Variants in MIB1 observed in about 807,000 individuals in gnomAD.
MIB1 encodes E3 ubiquitin-protein ligase MIB1.
In MIB1, 278 loss-of-function variants were observed where a neutral mutation model predicts 124.5. That is an observed-to-expected ratio of 2.23 (90% confidence interval 2.02 to 2.47). MIB1 has a LOEUF of 2.47. Among genes scored for constraint, MIB1 ranks in the 30% most tolerant of loss-of-function variants. MIB1 has a pLI of 0.00. For synonymous variants in MIB1, 446 were observed against 429.4 expected, an observed-to-expected ratio of 1.04 and a Z score of -0.48; for missense variants, 957 against 1,254.4, an observed-to-expected ratio of 0.76 and a Z score of 3.58.
chr18:21,765,931 C>T lies in MIB1; in HGVS notation c.389C>T (p.Pro130Leu), dbSNP rs750577728. Residue 130 changes from proline to leucine, a missense_variant, in exon 2 of 21, where the codon CCG (proline) becomes CTG (leucine). Pro to Leu is a moderately conservative substitution (Grantham distance 98). Transcript: ENST00000261537. The part of the protein sequence containing the change: ...LRHRFYRITT[P>L]GSERVLLESR... ...CATCGCTTTTACCGAATTACTACAC[C>T]GGGAAGTGAGAGGTAGGGAGAACCC... is the stretch of plus-strand genomic sequence containing the variant. The T allele has an allele frequency of 1.4e-5, 23 of 1,613,918 alleles. No individual in the cohort carries two copies. In the Middle Eastern group the frequency reaches 2.6e-3, roughly 185 times the overall value.
In MIB1 at chr18:21,858,517, C is replaced by T. The variant is rs770616059; in HGVS notation, c.2780-29C>T. On this transcript the variant is annotated intron_variant, in intron 19 of 20. Transcript: ENST00000261537. Reference sequence around the variant, plus strand: ...TGTCATTCTGTCAAAGCAATAATAACTGAAAATCTTTTTAAATCTATATTA... The same window carrying T: ...TGTCATTCTGTCAAAGCAATAATAATTGAAAATCTTTTTAAATCTATATTA... 5.0e-6 allele frequency: 5 copies of T among 995,192 alleles called. No individual in the cohort carries two copies. In the African/African-American group the frequency reaches 8.0e-5, roughly 16 times the overall value. The allele number at this position is 995,192 out of a possible 1,614,324, so 61.6% of individuals were successfully genotyped here.
intron 1 of MIB1, among the ~76,000 whole-genome samples, chr18:21,711,259 C>G (rs945559102): frequency 3.3e-5 from 5 of 151,852 alleles, no homozygotes; most frequent in Non-Finnish European, 5.9e-5. Context: ...TTTTCCAGAC[C>G]CCACATTTTA....
chr18:21,792,221 C>T (rs2041513022), intron 7 of MIB1, among the ~76,000 whole-genome samples: 1 of 152,022 alleles, frequency 6.6e-6, no homozygotes, highest in African/African-American at 2.4e-5. Flanking sequence ...TGTAGTTCTC[C>T]ACCTTGCGTA....
chr18:21,839,665 T>C (rs2042064191), intron 13 of MIB1, among the ~76,000 whole-genome samples: 2 of 151,964 alleles, frequency 1.3e-5, no homozygotes, highest in Admixed American at 6.6e-5. Flanking sequence ...TGCCTGGCTT[T>C]TATTTATTTA....
At chr18:21,852,173 G>T (rs1297637031) in intron 17 of MIB1, among the ~76,000 whole-genome samples, 1 of 152,204 alleles carries the variant, frequency 6.6e-6, no homozygotes, top group African/African-American at 2.4e-5. Context: ...GGTGTTGGAG[G>T]TAGATTTTGA....
intron 1 of MIB1, among the ~76,000 whole-genome samples, chr18:21,757,832 A>G (rs908066336): frequency 5.9e-5 from 9 of 152,156 alleles, no homozygotes; most frequent in African/African-American, 1.7e-4. Context: ...TTGAATATTG[A>G]AATAGGATTT....
chr18:21,830,398 C>T (rs1279452519), intron 12 of MIB1, among the ~76,000 whole-genome samples: 1 of 152,054 alleles, frequency 6.6e-6, no homozygotes, highest in Non-Finnish European at 1.5e-5. Context: ...ATGTAAATGA[C>T]AATAATGTAT....
rs1229313289 is a variant in MIB1 at position 21,869,309 on chromosome 18, T to G, written c.*4643T>G. 5 of 152,416 alleles carry G rather than the reference T, an allele frequency of 3.3e-5. No individual in the cohort carries two copies. The highest frequency in any genetic ancestry group is 7.4e-5 in the Non-Finnish European group (5 of 67,876). The allele number at this position is 152,416 out of a possible 1,614,324, so 9.4% of individuals were successfully genotyped here. A position where few individuals can be genotyped will look rare whatever the true frequency, so the allele number is the denominator to read the frequency against. On this transcript the variant is annotated 3_prime_UTR_variant, in exon 21 of 21. Transcript: ENST00000261537. ...TTTTAAAGTAAAATAAACGTGCCAT[T>G]TTGTCTGCAATCTATAATTTCAGGA... is the stretch of plus-strand genomic sequence containing the variant.
chr18:21,744,556 T>G (rs2146378119), intron 1 of MIB1, among the ~76,000 whole-genome samples: 1 of 152,360 alleles, frequency 6.6e-6, no homozygotes, highest in Middle Eastern at 3.4e-3. Context: ...CTTTTTCTCA[T>G]CCAAGATCAC....
At chr18:21,777,930 A>G (rs1479713318) in intron 4 of MIB1, among the ~76,000 whole-genome samples, 173 bp from the exon 5 acceptor site, 1 of 152,328 alleles carries the variant, frequency 6.6e-6, no homozygotes, top group Non-Finnish European at 1.5e-5. Context: ...TCTGAAGATC[A>G]GGTTTCTAGT....
At chr18:21,749,701 C>T (rs1306873400) in intron 1 of MIB1, among the ~76,000 whole-genome samples, 3 of 135,752 alleles carry the variant, frequency 2.2e-5, no homozygotes, top group South Asian at 2.3e-4. Flanking sequence ...AGTACAATGG[C>T]GCGATCTTGG....
chr18:21,852,848 A>G (rs1247770494), intron 17 of MIB1, among the ~76,000 whole-genome samples: 2 of 152,204 alleles, frequency 1.3e-5, no homozygotes, highest in African/African-American at 2.4e-5. Context: ...GGAAAAAAAT[A>G]TTGAAGCCTC....
chr18:21,800,942 A>G (rs2041644424), intron 9 of MIB1, among the ~76,000 whole-genome samples: 1 of 152,112 alleles, frequency 6.6e-6, no homozygotes, highest in Admixed American at 6.6e-5. Context: ...ATTCCAGTCA[A>G]GCAGATTTAG....
chr18:21,838,965 A>C (rs1422364325), intron 13 of MIB1, among the ~76,000 whole-genome samples: 1 of 152,118 alleles, frequency 6.6e-6, no homozygotes, highest in Non-Finnish European at 1.5e-5. Flanking sequence ...GTACAGACTC[A>C]CCTTGGTCAT....
At chr18:21,856,692 C>T (rs1249833840) in intron 18 of MIB1, among the ~76,000 whole-genome samples, 12 of 152,008 alleles carry the variant, frequency 7.9e-5, no homozygotes, top group African/African-American at 2.4e-4. Context: ...CAAACCTGCA[C>T]GTTCCGCACA....
chr18:21,749,058 G>A (rs992102449), intron 1 of MIB1, among the ~76,000 whole-genome samples: 11 of 151,936 alleles, frequency 7.2e-5, no homozygotes, highest in African/African-American at 2.7e-4. Flanking sequence ...TTTCTAGTGT[G>A]TCTTTTTTGC....
chr18:21,741,402 G>A lies in MIB1; in HGVS notation c.-182G>A. On this transcript the variant is annotated 5_prime_UTR_variant, in exon 1 of 21. Coordinates refer to ENST00000261537, the MANE Select transcript of MIB1 (RefSeq NM_020774.4). The surrounding 1 kb of genome is among the most constrained non-coding windows in gnomAD (Gnocchi z 5.4). Reference sequence around the variant, plus strand: ...GGGGCGCGGCGGCGACAGCTGGGCAGCGGCTTTGGGCTCCGCGGGGACCGC... The same window carrying A: ...GGGGCGCGGCGGCGACAGCTGGGCAACGGCTTTGGGCTCCGCGGGGACCGC... 1 of 257,520 alleles carries A rather than the reference G, an allele frequency of 3.9e-6. No individual in the cohort carries two copies. The highest frequency in any genetic ancestry group is 5.6e-5 in the Admixed American group (1 of 17,812). 16.0% of individuals were successfully genotyped at this position (257,520 alleles called of 1,614,324 possible). A position where few individuals can be genotyped will look rare whatever the true frequency, so the allele number is the denominator to read the frequency against.
At chr18:21,728,778 C>G (rs1374595453) in intron 1 of MIB1, among the ~76,000 whole-genome samples, 1 of 152,182 alleles carries the variant, frequency 6.6e-6, no homozygotes. Context: ...TCCACGATCT[C>G]AAACATTTAT....
chr18:21,706,516 G>A (rs1392478092), intron 1 of MIB1, among the ~76,000 whole-genome samples: 1 of 152,190 alleles, frequency 6.6e-6, no homozygotes, highest in East Asian at 1.9e-4. Flanking sequence ...GGTGTGGAGA[G>A]AGAGGCGTGG....
Sources: gnomAD v4.1 joint callset for allele counts (sites outside exome capture counted in the v4.1 genomes callset) on GRCh38, gnomAD v4.1.1 for gene constraint, Gnocchi (gnomAD v3.1) non-coding constraint, MANE v1.5 for transcripts, NCBI Gene and HGNC (gene_info 2026-07-23, HGNC 2026-07-21) for gene names.